ARMH4: variants seen among roughly 807,000 people sequenced by gnomAD.
The protein encoded by ARMH4 is armadillo-like helical domain-containing protein 4.
A neutral mutation model predicts 61.9 loss-of-function variants in ARMH4; 49 were observed. The observed-to-expected ratio is 0.79, with a 90% confidence interval of 0.63 to 1.00. ARMH4 has a LOEUF of 1.00. Ranked by LOEUF, ARMH4 falls within the 50% of genes least tolerant of loss-of-function variation. The pLI, the probability that ARMH4 is intolerant of heterozygous loss-of-function variation, is 0.00. For missense variants in ARMH4, 934 were observed against 930.0 expected (o/e 1.00, Z -0.06); for synonymous variants, 368 against 341.5 (o/e 1.08, Z -0.85).
chr14:58,009,039 A>C (rs1321736921), intron 6 of ARMH4, among the ~76,000 whole-genome samples: 3 of 152,218 alleles, frequency 2.0e-5, no homozygotes, highest in African/African-American at 4.8e-5. Context: ...TTAGCCAAGA[A>C]GACAGTTAAT....
chr14:58,089,555 A>T, intron 5 of ARMH4, among the ~76,000 whole-genome samples: 1 of 152,192 alleles, frequency 6.6e-6, no homozygotes, highest in East Asian at 1.9e-4. Context: ...TCTCCCTTTC[A>T]TCTTGCCAAA....
intron 4 of ARMH4, among the ~76,000 whole-genome samples, chr14:58,098,107 T>C (rs572523139): frequency 6.6e-5 from 10 of 152,218 alleles, no homozygotes; most frequent in Admixed American, 2.6e-4. Flanking sequence ...TCTCCTCCTA[T>C]GGTGGAGAAA....
intron 5 of ARMH4, among the ~76,000 whole-genome samples, chr14:58,054,882 A>AAAAT (rs1455925257): frequency 2.8e-5 from 4 of 144,438 alleles, no homozygotes; most frequent in African/African-American, 7.6e-5. Flanking sequence ...AAAAAAAAAA[A>AAAAT]AAATAATAAT....
chr14:58,043,782 A>G (rs937990192), intron 5 of ARMH4, among the ~76,000 whole-genome samples: 9 of 152,212 alleles, frequency 5.9e-5, no homozygotes, highest in South Asian at 4.1e-4. Context: ...TCAATGTGCA[A>G]AAATCACAAG....
chr14:58,042,462 A>C (rs1883761663), intron 5 of ARMH4, among the ~76,000 whole-genome samples: 1 of 152,178 alleles, frequency 6.6e-6, no homozygotes, highest in Non-Finnish European at 1.5e-5. Context: ...GTGTAGAGGG[A>C]AATTTATAGC....
chr14:58,060,592 TG>T (rs1884496589), intron 5 of ARMH4, among the ~76,000 whole-genome samples: 15 of 152,198 alleles, frequency 9.9e-5, no homozygotes, highest in Non-Finnish European at 1.9e-4. Flanking sequence ...TCTGTGACAT[TG>T]ACTTTGTAGA....
chr14:58,149,346 C>T (rs985456280), intron 1 of ARMH4, among the ~76,000 whole-genome samples: 4 of 152,100 alleles, frequency 2.6e-5, no homozygotes, highest in African/African-American at 9.7e-5. Flanking sequence ...AGCTGAATGA[C>T]AAACAATCCT....
intron 5 of ARMH4, among the ~76,000 whole-genome samples, chr14:58,019,689 AC>A (rs1882744497): frequency 6.6e-6 from 1 of 152,072 alleles, no homozygotes; most frequent in Admixed American, 6.5e-5. Flanking sequence ...TACTCAGGAG[AC>A]CAAGGCAGGA....
intron 4 of ARMH4, among the ~76,000 whole-genome samples, chr14:58,099,779 C>T (rs750277263): frequency 3.3e-5 from 5 of 152,054 alleles, no homozygotes; most frequent in Admixed American, 6.6e-5. Context: ...GAAGCAGCTG[C>T]GGGAGAATAT....
At chr14:58,045,586 A>G (rs1390627666) in intron 5 of ARMH4, among the ~76,000 whole-genome samples, 2 of 151,938 alleles carry the variant, frequency 1.3e-5, no homozygotes, top group African/African-American at 2.4e-5. Context: ...CGTTCTGCAC[A>G]TGTACCCTAG....
intron 4 of ARMH4, 77 bp from the exon 5 acceptor site, chr14:58,097,058 T>A: frequency 7.0e-7 from 1 of 1,430,414 alleles, no homozygotes; most frequent in African/African-American, 1.4e-5. Flanking sequence ...TTGGAAATGA[T>A]CCAAACACTA....
intron 4 of ARMH4, chr14:58,100,838 T>G (rs1331791649): frequency 6.6e-6 from 1 of 152,332 alleles, no homozygotes; most frequent in Non-Finnish European, 1.5e-5. Context: ...ACTGTTTCTG[T>G]GCTAGAAAAC....
intron 4 of ARMH4, among the ~76,000 whole-genome samples, chr14:58,123,488 A>G (rs891243951): frequency 3.9e-5 from 6 of 152,154 alleles, no homozygotes; most frequent in Admixed American, 2.0e-4. Flanking sequence ...CAATTTTAGG[A>G]GTACAGAAAC....
chr14:58,049,526 C>T (rs958449499), intron 5 of ARMH4, among the ~76,000 whole-genome samples: 2 of 152,078 alleles, frequency 1.3e-5, no homozygotes, highest in Admixed American at 1.3e-4. Flanking sequence ...TGTAATTTCT[C>T]TGGGGTGATT....
intron 5 of ARMH4, among the ~76,000 whole-genome samples, chr14:58,024,018 G>A (rs1882937046): frequency 6.6e-6 from 1 of 152,140 alleles, no homozygotes; most frequent in African/African-American, 2.4e-5. Flanking sequence ...CACAGGCAGA[G>A]TAGATTTAGC....
chr14:58,019,648 G>A (rs925743026), intron 5 of ARMH4, among the ~76,000 whole-genome samples: 4 of 151,928 alleles, frequency 2.6e-5, no homozygotes, highest in Admixed American at 2.0e-4. Flanking sequence ...AAAATTAGCC[G>A]AGTATGGTGG....
chr14:58,061,726 C>T (rs918862104), intron 5 of ARMH4, among the ~76,000 whole-genome samples: 3 of 152,082 alleles, frequency 2.0e-5, no homozygotes, highest in Non-Finnish European at 2.9e-5. Flanking sequence ...CACCAAAAGT[C>T]GTGTCAGGGA....
At chr14:58,149,326 T>C (rs1174433814) in intron 1 of ARMH4, among the ~76,000 whole-genome samples, 2 of 152,110 alleles carry the variant, frequency 1.3e-5, no homozygotes, top group Non-Finnish European at 2.9e-5. Flanking sequence ...TACTTCACCA[T>C]AAATTAAATA....
chr14:58,064,852 A>G (rs746073498), intron 5 of ARMH4, among the ~76,000 whole-genome samples: 1 of 152,208 alleles, frequency 6.6e-6, no homozygotes, highest in Non-Finnish European at 1.5e-5. Context: ...GAATGCATCA[A>G]ATAGAGCCCC....
Sources: gnomAD v4.1 joint callset for allele counts (sites outside exome capture counted in the v4.1 genomes callset) on GRCh38, gnomAD v4.1.1 for gene constraint, MANE v1.5 for transcripts, NCBI Gene and HGNC (gene_info 2026-07-23, HGNC 2026-07-21) for gene names.